Variants in TPSG1 observed in about 807,000 individuals in gnomAD.
TPSG1 encodes the protein tryptase gamma 1, also known as tryptase gamma.
Under a neutral mutation model 23.8 loss-of-function variants are expected in TPSG1, and 43 were observed. The ratio of observed to expected loss-of-function variants is 1.81; its 90% confidence interval spans 1.42 to 2.33. The LOEUF (loss-of-function observed/expected upper bound fraction) is 2.33. TPSG1 is among the 30% of genes most tolerant of loss of function. The pLI, the probability that TPSG1 is intolerant of heterozygous loss-of-function variation, is 0.00. For missense variants in TPSG1, 623 were observed against 438.6 expected (o/e 1.42, Z -3.75); for synonymous variants, 302 against 201.3 (o/e 1.50, Z -4.23).
Position 1,225,203 on chromosome 16 carries a change from C to T in TPSG1, c.46+4G>A, listed in dbSNP as rs376545292. 4 of 1,574,680 alleles carry T rather than the reference C, an allele frequency of 2.5e-6. No homozygotes were observed. In the African/African-American group the frequency reaches 4.0e-5, roughly 16 times the overall value. On this transcript the variant is annotated splice_donor_region_variant and intron_variant, in intron 1 of 5. Coordinates refer to ENST00000234798, the MANE Select transcript of TPSG1 (RefSeq NM_012467.4). The stretch of plus-strand genomic sequence containing the variant: ...CATCCCCACACCCAGGCCAGGTCAC[C>T]CACCGGGCACAGCCAGGAGCAGCAG...
Position 1,222,863 on chromosome 16 carries a change from C to A in TPSG1, c.300G>T (p.Leu100=). Reference sequence around the variant, plus strand: ...GCCTCACGGTGGAGAAGTGGGGAGACAGAGTGATCTCCAGTTCCCCCAGGT... The same window carrying A: ...GCCTCACGGTGGAGAAGTGGGGAGAAAGAGTGATCTCCAGTTCCCCCAGGT... ...QVHLGELEIT[L]SPHFSTVRQI... Residue 100 remains leucine, a synonymous_variant, in exon 4 of 6, where the codon CTG becomes CTT. Coordinates refer to ENST00000234798, the MANE Select transcript of TPSG1 (RefSeq NM_012467.4). 6.2e-7 allele frequency: 1 copy of A among 1,610,640 alleles called. No homozygotes were observed. The highest frequency in any genetic ancestry group is 1.1e-5 in the South Asian group (1 of 90,652).
chr16:1,222,300 A>G lies in TPSG1; in HGVS notation c.553T>C (p.Ser185Pro). Residue 185 changes from serine (S) to proline (P), a missense_variant, in exon 5 of 6, where the codon TCC becomes CCC. Transcript: ENST00000234798. ...CGGCAGGTCTCTGTGTCCACCACGG[A>G]GACTTTCACCTCCCGCAGGCTGTAC... ...PPYSLREVKV[S>P]VVDTETCRRD... The G allele has an allele frequency of 6.2e-7, 1 of 1,610,268 alleles. No individual in the cohort carries two copies. Among genetic ancestry groups the G allele is most frequent in the South Asian group, 1.1e-5 (1 of 90,918 alleles).
At chr16:1,224,219 G>T in intron 2 of TPSG1, 1 of 226,226 alleles carries the variant, frequency 4.4e-6, no homozygotes, top group Non-Finnish European at 8.6e-6. Context: ...AGGGAAGCTG[G>T]GATGTAGACA....
chr16:1,222,659 C>G lies in TPSG1; in HGVS notation c.504G>C (p.Arg168=), dbSNP rs763220945. The change falls in exon 4 of 6, where the codon CGG becomes CGC. Residue 168 remains arginine (R), a synonymous_variant. Transcript: ENST00000234798. ...CCCACGGGGGCTCCTCACCTCCCTC[C>G]CGCGTATAGCCCCAGCCGGTCACCC... ...RCWVTGWGYT[R]EGEPLPPPYS... 6.6e-5 allele frequency: 103 copies of G among 1,552,372 alleles called. 1 individual carries two copies. In the Admixed American group the frequency reaches 1.8e-3, roughly 28 times the overall value.
rs1360719244 is a variant in TPSG1, at chr16:1,221,895, C to T, written c.859G>A (p.Gly287Ser). The change falls in exon 6 of 6, where the codon GGC (glycine) becomes AGC (serine). Residue 287 changes from glycine (G) to serine (S), a missense_variant. Gly to Ser is a moderately conservative substitution (Grantham distance 56). Transcript: ENST00000234798. ...SGYPRLPLLA[G>S]FFLPGLFLLL... ...AGGAAGAGGCCGGGGAGGAAGAAGC[C>T]AGCCAGGAGGGGGAGCCTGGGGTAC... The T allele has an allele frequency of 1.2e-6, 2 of 1,611,486 alleles. No homozygotes were observed. The highest frequency in any genetic ancestry group is 1.7e-5 in the Admixed American group (1 of 59,880).
chr16:1,222,133 G>A (rs765137939), intron 5 of TPSG1, 37 bp from the exon 6 acceptor site: 3 of 1,612,080 alleles, frequency 1.9e-6, no homozygotes, highest in East Asian at 2.2e-5. Flanking sequence ...GAGCCGAGAA[G>A]ATGGGGAGCC....
Position 1,222,723 on chromosome 16 carries a change from G to C in TPSG1, c.440C>G (p.Pro147Arg), listed in dbSNP as rs142160969. 15 of 1,610,258 alleles carry C rather than the reference G, an allele frequency of 9.3e-6. No homozygotes were observed. Among genetic ancestry groups the C allele is most frequent in the Middle Eastern group, 1.7e-4 (1 of 5,870 alleles). ...LSSRILPVCL[P>R]EASDDFCPGI... Reference sequence around the variant, plus strand: ...AGGGCAGAAGTCATCTGAGGCCTCCGGGAGGCAGACGGGCAGGATCCGGCT... The same window carrying C: ...AGGGCAGAAGTCATCTGAGGCCTCCCGGAGGCAGACGGGCAGGATCCGGCT... The change falls in exon 4 of 6, where the codon CCG becomes CGG. Residue 147 changes from proline to arginine, a missense_variant. Coordinates refer to ENST00000234798, the MANE Select transcript of TPSG1 (RefSeq NM_012467.4).
At chr16:1,224,468 G>A in intron 2 of TPSG1, 134 bp downstream of exon 2, 5 of 1,181,996 alleles carry the variant, frequency 4.2e-6, no homozygotes, top group Non-Finnish European at 6.1e-6. Flanking sequence ...AGAGATGCGA[G>A]CAGAAACCAC....
rs1043091716 is a variant in TPSG1 at position 1,223,521 on chromosome 16, C to T, written c.147G>A (p.Trp49Ter). Residue 49 changes from tryptophan to a stop codon, truncating the protein, a stop_gained, in exon 3 of 6, where the codon TGG becomes TGA. Transcript: ENST00000234798. LOFTEE classifies it high-confidence loss of function. ...VGGHAAPAGA[W>*]PWQASLRLRR... is the part of the protein sequence containing the mutation. The stretch of plus-strand genomic sequence containing the variant: ...GCAGGCGGAGGCTGGCCTGCCATGG[C>T]CATGCGCCGGCCGGGGCAGCGTGAC... 5 of 1,555,324 alleles carry T rather than the reference C, an allele frequency of 3.2e-6. No individual in the cohort carries two copies. The highest frequency in any genetic ancestry group is 1.9e-5 in the Admixed American group (1 of 51,786).
intron 3 of TPSG1, among the ~76,000 whole-genome samples, chr16:1,223,133 A>T (rs1183611554): frequency 6.6e-6 from 1 of 152,224 alleles, no homozygotes; most frequent in African/African-American, 2.4e-5. Flanking sequence ...AGCCAGCAGC[A>T]TGCCCGACAC....
chr16:1,223,992 T>G, intron 2 of TPSG1: 2 of 229,922 alleles, frequency 8.7e-6, no homozygotes, highest in Non-Finnish European at 1.6e-5. Context: ...CGAAGCTGGA[T>G]AAAATTCGGG....
chr16:1,224,251 G>T lies in TPSG1; in HGVS notation c.73+351C>A, dbSNP rs115427431. ...GACAGACAGAGATGTTTATAGATAGGCAGCGGGTGTGGGGTGGGGCACCGG... is the reference window on the plus strand; with the variant it reads ...GACAGACAGAGATGTTTATAGATAGTCAGCGGGTGTGGGGTGGGGCACCGG... On this transcript the variant is annotated intron_variant, in intron 2 of 5. Coordinates refer to ENST00000234798, the MANE Select transcript of TPSG1 (RefSeq NM_012467.4). 567 of 282,108 alleles carry T rather than the reference G, an allele frequency of 2.0e-3. 4 individuals are homozygous for T. The highest frequency in any genetic ancestry group is 0.012 in the African/African-American group (517 of 44,474). 17.5% of individuals were successfully genotyped at this position (282,108 alleles called of 1,614,324 possible).
intron 2 of TPSG1, chr16:1,223,964 A>T: frequency 2.7e-5 from 7 of 255,928 alleles, no homozygotes; most frequent in East Asian, 2.3e-4. Context: ...GTTTTCCTTC[A>T]GGGGTGGTGG....
chr16:1,224,468 G>T, intron 2 of TPSG1, 134 bp downstream of exon 2: 1 of 1,181,992 alleles, frequency 8.5e-7, no homozygotes, highest in Non-Finnish European at 1.2e-6. Context: ...AGAGATGCGA[G>T]CAGAAACCAC....
intron 2 of TPSG1, 52 bp from the exon 3 acceptor site, chr16:1,223,646 C>T (rs372632860): frequency 6.4e-5 from 97 of 1,512,338 alleles, no homozygotes; most frequent in Non-Finnish European, 8.1e-5. Flanking sequence ...AAACCCACTG[C>T]ACTTCCTCCA....
chr16:1,223,282 T>G, intron 3 of TPSG1, 141 bp downstream of exon 3: 1 of 1,156,330 alleles, frequency 8.6e-7, no homozygotes, highest in South Asian at 1.6e-5. Context: ...GGCAACCAGC[T>G]CCTCCCTTTC....
intron 1 of TPSG1, 93 bp from the exon 2 acceptor site, chr16:1,224,721 C>G: frequency 1.3e-6 from 2 of 1,544,474 alleles, no homozygotes; most frequent in Non-Finnish European, 8.9e-7. Flanking sequence ...CAGGGCGGCA[C>G]TGGGGTGGGG....
In TPSG1 at chr16:1,222,261, C is replaced by G. The variant is rs753429332; in HGVS notation, c.592G>C (p.Gly198Arg). 34 of 1,611,892 alleles carry G rather than the reference C, an allele frequency of 2.1e-5. No homozygotes were observed. The highest frequency in any genetic ancestry group is 2.8e-5 in the Non-Finnish European group (33 of 1,179,736). The part of the protein sequence containing the change: ...DTETCRRDYP[G>R]PGGSILQPDM... ...GGCTGAAGGATGCTGCCCCCGGGGC[C>G]GGGATAGTCCCGGCGGCAGGTCTCT... is the stretch of plus-strand genomic sequence containing the variant. The change falls in exon 5 of 6, where the codon GGC becomes CGC. Residue 198 changes from glycine to arginine, a missense_variant. Physicochemically the swap from Gly to Arg is moderately radical, Grantham distance 125. Coordinates refer to ENST00000234798, the MANE Select transcript of TPSG1 (RefSeq NM_012467.4).
At chr16:1,225,075 GAC>G in intron 1 of TPSG1, 130 bp downstream of exon 1, 5 of 1,088,776 alleles carry the variant, frequency 4.6e-6, no homozygotes, top group Non-Finnish European at 6.6e-6. Context: ...CTTCAGAGGA[GAC>G]ACGGGGCCCC....
Sources: gnomAD v4.1 joint callset for allele counts (sites outside exome capture counted in the v4.1 genomes callset) on GRCh38, gnomAD v4.1.1 for gene constraint, MANE v1.5 for transcripts, NCBI Gene and HGNC (gene_info 2026-07-23, HGNC 2026-07-21) for gene names.